The following ERC1 variants were observed in gnomAD, a reference collection of about 807,000 sequenced individuals.
ERC1 encodes ELKS/RAB6-interacting/CAST family member 1.
A neutral mutation model predicts 132.0 loss-of-function variants in ERC1; 56 were observed. The observed-to-expected ratio is 0.42, with a 90% CI of 0.34 to 0.53. The LOEUF (loss-of-function observed/expected upper bound fraction) is 0.53. Among genes scored for constraint, ERC1 ranks in the 20% least tolerant of loss-of-function variants. The pLI is 0.03. For synonymous variants in ERC1, 478 were observed against 476.1 expected (o/e 1.00, Z -0.05); for missense variants, 1,202 against 1,349.9 (o/e 0.89, Z 1.72).
At chr12:1,075,101 C>G (rs1593131565) in intron 2 of ERC1, among the ~76,000 whole-genome samples, 1 of 151,944 alleles carries the variant, frequency 6.6e-6, no homozygotes, top group Admixed American at 6.6e-5. Flanking sequence ...AGTAAATTAC[C>G]TTGGAGGCTC....
At chr12:1,219,467 T>TA (rs1457550552) in intron 12 of ERC1, among the ~76,000 whole-genome samples, 1 of 152,122 alleles carries the variant, frequency 6.6e-6, no homozygotes, top group Non-Finnish European at 1.5e-5. Flanking sequence ...AATCTATTAG[T>TA]AAGCCCGATC....
chr12:1,277,041 A>T (rs1304386058), intron 14 of ERC1, among the ~76,000 whole-genome samples: 1 of 152,200 alleles, frequency 6.6e-6, no homozygotes, highest in East Asian at 1.9e-4. Context: ...TTTGTGCTTG[A>T]TTTTAAAGAA....
chr12:1,316,904 A>G (rs1401208724), intron 15 of ERC1, among the ~76,000 whole-genome samples: 3 of 152,192 alleles, frequency 2.0e-5, no homozygotes, highest in Admixed American at 6.5e-5. Flanking sequence ...TCATGCCTGT[A>G]ATCCCAGCAC....
chr12:1,004,107 G>A (rs1249485111), intron 1 of ERC1, among the ~76,000 whole-genome samples: 2 of 152,132 alleles, frequency 1.3e-5, no homozygotes, highest in Non-Finnish European at 1.5e-5. Context: ...TGTTATGGGA[G>A]GATCACAGGG....
intron 12 of ERC1, among the ~76,000 whole-genome samples, chr12:1,191,061 A>G (rs1430715095): frequency 1.3e-5 from 2 of 152,154 alleles, no homozygotes; most frequent in African/African-American, 4.8e-5. Flanking sequence ...AACCAAAACT[A>G]TAAAGTCTAA....
rs141883319 is a variant in ERC1 at position 1,388,836 on chromosome 12, G to T, written c.2925+16859G>T. On this transcript the variant is annotated intron_variant, in intron 16 of 18. Coordinates refer to ENST00000360905, the MANE Select transcript of ERC1 (RefSeq NM_178040.4). The stretch of plus-strand genomic sequence containing the variant: ...AGTAATGTATTCACTAGGCCATTCT[G>T]TGTATCAAACACCACCTAATCTTAG... 1.8e-3 allele frequency among the ~76,000 whole-genome samples: 274 copies of T among 152,286 alleles called. 1 individual carries two copies. The highest frequency in any genetic ancestry group is 6.2e-3 in the African/African-American group (256 of 41,542).
intron 2 of ERC1, among the ~76,000 whole-genome samples, chr12:1,053,850 G>A (rs1361888650): frequency 6.6e-6 from 1 of 152,142 alleles, no homozygotes; most frequent in Non-Finnish European, 1.5e-5. Flanking sequence ...GCAAATTATG[G>A]TATGTTTGCT....
chr12:1,349,032 G>A (rs1292820530), intron 15 of ERC1, among the ~76,000 whole-genome samples: 3 of 152,146 alleles, frequency 2.0e-5, no homozygotes, highest in Non-Finnish European at 2.9e-5. Flanking sequence ...CTCCTGTCCC[G>A]TGTTCTTATT....
intron 15 of ERC1, among the ~76,000 whole-genome samples, chr12:1,309,023 G>T (rs2081088836): frequency 6.6e-6 from 1 of 152,190 alleles, no homozygotes; most frequent in Non-Finnish European, 1.5e-5. Flanking sequence ...GTGAGTAGAT[G>T]CCATCTGTGA....
At chr12:1,121,053 C>G (rs144621222) in intron 7 of ERC1, among the ~76,000 whole-genome samples, 1 of 152,330 alleles carries the variant, frequency 6.6e-6, no homozygotes, top group Non-Finnish European at 1.5e-5. Flanking sequence ...ATGATAATAT[C>G]TAACCTGAGT....
intron 14 of ERC1, among the ~76,000 whole-genome samples, chr12:1,278,421 A>G (rs758652771): frequency 2.6e-4 from 39 of 152,222 alleles, no homozygotes; most frequent in Admixed American, 1.5e-3. Context: ...TAAAAACTCA[A>G]TGTCTCAGAG....
chr12:1,428,340 A>T (rs2092698737), intron 17 of ERC1, among the ~76,000 whole-genome samples: 1 of 152,182 alleles, frequency 6.6e-6, no homozygotes, highest in Non-Finnish European at 1.5e-5. Context: ...GAAAAGTTGC[A>T]TGTATGTTAT....
At chr12:1,279,993 C>T (rs1305133717) in intron 14 of ERC1, among the ~76,000 whole-genome samples, 1 of 152,182 alleles carries the variant, frequency 6.6e-6, no homozygotes, top group Non-Finnish European at 1.5e-5. Context: ...CGTGCCCGAC[C>T]AGACATGTTT....
intron 15 of ERC1, among the ~76,000 whole-genome samples, chr12:1,362,327 C>A (rs1347914784): frequency 5.3e-5 from 8 of 152,128 alleles, no homozygotes; most frequent in Non-Finnish European, 1.2e-4. Context: ...AGTTCTTCTG[C>A]CCTAGACCTT....
chr12:1,109,568 TTGTAATTTCTGA>T (rs1425042115), intron 4 of ERC1, among the ~76,000 whole-genome samples: 1 of 152,196 alleles, frequency 6.6e-6, no homozygotes, highest in African/African-American at 2.4e-5. Flanking sequence ...CACCAGAAAT[TTGTAATTTCTGA>T]TGCAAAGAAA....
chr12:1,053,262 T>A (rs1004829226), intron 2 of ERC1, among the ~76,000 whole-genome samples: 1 of 152,140 alleles, frequency 6.6e-6, no homozygotes, highest in African/African-American at 2.4e-5. Flanking sequence ...AAACATTGAG[T>A]TTACATTCAG....
At chr12:1,483,054 T>C (rs572770140) in intron 18 of ERC1, among the ~76,000 whole-genome samples, 8 of 152,292 alleles carry the variant, frequency 5.3e-5, no homozygotes, top group African/African-American at 1.9e-4. Context: ...CCCAGCACTT[T>C]GGGAGACCAA....
intron 16 of ERC1, among the ~76,000 whole-genome samples, chr12:1,379,700 G>A (rs1442323560): frequency 6.6e-6 from 1 of 152,028 alleles, no homozygotes; most frequent in Non-Finnish European, 1.5e-5. Flanking sequence ...CCTCTGTAGG[G>A]TTACTTAGGA....
intron 15 of ERC1, among the ~76,000 whole-genome samples, chr12:1,332,591 C>T (rs1167122903): frequency 2.0e-5 from 3 of 152,082 alleles, no homozygotes; most frequent in South Asian, 2.1e-4. Flanking sequence ...TTTGTATAAC[C>T]GGCAGAACCT....
Sources: gnomAD v4.1 joint callset for allele counts (sites outside exome capture counted in the v4.1 genomes callset) on GRCh38, gnomAD v4.1.1 for gene constraint, MANE v1.5 for transcripts, NCBI Gene and HGNC (gene_info 2026-07-23, HGNC 2026-07-21) for gene names.